Variants in SORBS2 observed in about 807,000 individuals in gnomAD.
SORBS2 encodes sorbin and SH3 domain containing 2.
SORBS2 carries 46 observed loss-of-function variants against 97.7 expected under a neutral mutation model. The observed-to-expected ratio is 0.47, with a 90% CI of 0.37 to 0.60. The LOEUF (loss-of-function observed/expected upper bound fraction) is 0.60. Among genes scored for constraint, SORBS2 ranks in the 20% least tolerant of loss-of-function variants. The pLI is 0.00. For synonymous variants in SORBS2, 476 were observed against 473.4 expected, an observed-to-expected ratio of 1.01 and a Z score of -0.07; for missense variants, 1,316 against 1,282.3, an observed-to-expected ratio of 1.03 and a Z score of -0.40.
At chr4:185,936,336 T>C (rs1579575813) in intron 1 of SORBS2, among the ~76,000 whole-genome samples, 1 of 152,238 alleles carries the variant, frequency 6.6e-6, no homozygotes, top group Non-Finnish European at 1.5e-5. Context: ...TATTTATTGA[T>C]GGCCAACTGA....
intron 1 of SORBS2, among the ~76,000 whole-genome samples, chr4:185,809,973 T>C (rs969688442): frequency 9.2e-5 from 14 of 152,238 alleles, no homozygotes; most frequent in African/African-American, 3.4e-4. Flanking sequence ...TTGAAGGAAA[T>C]TAAATTGGAG....
intron 1 of SORBS2, among the ~76,000 whole-genome samples, chr4:185,905,231 G>A (rs1391846136): frequency 6.6e-6 from 1 of 152,062 alleles, no homozygotes; most frequent in Non-Finnish European, 1.5e-5. Context: ...GGAAACACAG[G>A]GTTCATCAAA....
At chr4:185,821,808 T>C (rs749345239) in intron 1 of SORBS2, among the ~76,000 whole-genome samples, 24 of 152,202 alleles carry the variant, frequency 1.6e-4, no homozygotes, top group Non-Finnish European at 2.8e-4. Context: ...ACCTGGGAAA[T>C]ACATTTTAAT....
intron 1 of SORBS2, among the ~76,000 whole-genome samples, chr4:185,782,144 G>T (rs914541482): frequency 6.6e-6 from 1 of 152,122 alleles, no homozygotes; most frequent in African/African-American, 2.4e-5. Flanking sequence ...TACATTTTTT[G>T]GTTCTATATT....
Position 185,623,916 on chromosome 4 carries a change from C to G in SORBS2, c.1213G>C (p.Val405Leu). 1 of 1,614,190 alleles carries G rather than the reference C, an allele frequency of 6.2e-7. No individual in the cohort carries two copies. The highest frequency in any genetic ancestry group is 8.5e-7 in the Non-Finnish European group (1 of 1,180,036). Reference sequence around the variant, plus strand: ...CGTGTGGGCACCATGTCCCGGGGCACCTCCTCCGTGGAGCACTGGCTCCAG... The same window carrying G: ...CGTGTGGGCACCATGTCCCGGGGCAGCTCCTCCGTGGAGCACTGGCTCCAG... The change falls in exon 7 of 15, where the codon GTG becomes CTG. Residue 405 changes from valine (V) to leucine (L), a missense_variant. Transcript: ENST00000418609. The surrounding 1 kb of genome is among the most constrained non-coding windows in gnomAD (Gnocchi z 6.4).
At chr4:185,630,593 G>A (rs921728811) in exon 5 of SORBS2, 2 of 1,596,732 alleles carry the variant, frequency 1.3e-6, no homozygotes, top group African/African-American at 2.7e-5. Flanking sequence ...ACTGATACAA[G>A]GAGGCCTGTT....
chr4:185,597,647 G>A lies in SORBS2; in HGVS notation c.2797-3712C>T, dbSNP rs147445780. ...CATCTTAATTTTGACGCTGAGGTAG[G>A]TGCAAATGTCCTATAAGGTGATGTA... On this transcript the variant is annotated intron_variant, in intron 12 of 14. Coordinates refer to ENST00000418609, the Ensembl canonical transcript of SORBS2. 2.6e-5 allele frequency among the ~76,000 whole-genome samples: 4 copies of A among 152,314 alleles called. No individual in the cohort carries two copies. In the East Asian group the frequency reaches 5.8e-4, roughly 22 times the overall value.
chr4:185,697,023 T>C (rs1034095364), intron 2 of SORBS2, among the ~76,000 whole-genome samples: 13 of 152,160 alleles, frequency 8.5e-5, no homozygotes, highest in Non-Finnish European at 7.3e-5. Context: ...ATAACACATG[T>C]ATAGGCAAAC....
intron 8 of SORBS2, among the ~76,000 whole-genome samples, chr4:185,619,706 T>C (rs2096685299): frequency 6.6e-6 from 1 of 152,216 alleles, no homozygotes; most frequent in Non-Finnish European, 1.5e-5. Context: ...TCAGGCTTTC[T>C]CCTGGACCAG....
chr4:185,805,490 G>A lies in SORBS2; in HGVS notation c.-337-30124C>T, dbSNP rs558705613. On this transcript the variant is annotated intron_variant, in intron 1 of 20. Transcript: ENST00000284776. ...TGTTTGCTGAGGGCCTCTCTGTTCCGGCTGCCATTCTAAAGCGAGTCAAGT... is the reference window on the plus strand; with the variant it reads ...TGTTTGCTGAGGGCCTCTCTGTTCCAGCTGCCATTCTAAAGCGAGTCAAGT... Among the ~76,000 whole-genome samples, 13 of 152,192 alleles carry A rather than the reference G, an allele frequency of 8.5e-5. No individual in the cohort carries two copies. The South Asian group carries it at 2.7e-3, about 32-fold the overall frequency.
intron 2 of SORBS2, among the ~76,000 whole-genome samples, chr4:185,704,156 A>G (rs1049199100): frequency 1.3e-5 from 2 of 152,124 alleles, no homozygotes; most frequent in Non-Finnish European, 1.5e-5. Flanking sequence ...AATTACCTCA[A>G]TTTCTAAATT....
chr4:185,721,085 T>A (rs1191119749), intron 2 of SORBS2, among the ~76,000 whole-genome samples: 1 of 10,900 alleles, frequency 9.2e-5, no homozygotes, highest in Non-Finnish European at 2.8e-4. Flanking sequence ...CCACCTATTC[T>A]TTTTTTTTTT....
At chr4:185,919,325 T>C (rs1274211270) in intron 1 of SORBS2, 1 of 152,198 alleles carries the variant, frequency 6.6e-6, no homozygotes, top group Non-Finnish European at 1.5e-5. Context: ...CTGCGGAAAG[T>C]ACATGACATT....
intron 3 of SORBS2, among the ~76,000 whole-genome samples, chr4:185,648,078 G>A (rs1261816247): frequency 6.6e-6 from 1 of 152,040 alleles, no homozygotes; most frequent in East Asian, 1.9e-4. Context: ...GTTTTGGTGG[G>A]ATGCTGTGCC....
intron 5 of SORBS2, among the ~76,000 whole-genome samples, chr4:185,628,796 C>T (rs1394644929): frequency 6.6e-6 from 1 of 152,208 alleles, no homozygotes; most frequent in African/African-American, 2.4e-5. Flanking sequence ...AGCAAATTAA[C>T]TATTAAAGAT....
chr4:185,801,141 T>C (rs931108321), intron 1 of SORBS2, among the ~76,000 whole-genome samples: 1 of 152,236 alleles, frequency 6.6e-6, no homozygotes, highest in Non-Finnish European at 1.5e-5. Flanking sequence ...GTATTTGTCT[T>C]TCTCTGTCTG....
At position 185,754,512 on chromosome 4, in the gene SORBS2, G is replaced by T. The variant is rs149553948; in HGVS notation, c.-198+20715C>A. Among the ~76,000 whole-genome samples the T allele has an allele frequency of 3.4e-3, 514 of 152,274 alleles. 1 individual carries two copies. Among genetic ancestry groups the T allele is most frequent in the African/African-American group, 0.012 (492 of 41,544 alleles). ...TAATAAAAACAGAAAGTTTACCCTT[G>T]ATAACACGTTTTATGTATAATCACT... On this transcript the variant is annotated intron_variant, in intron 2 of 20. Coordinates refer to the SORBS2 transcript ENST00000284776.
chr4:185,836,654 A>T (rs978400686), intron 1 of SORBS2, among the ~76,000 whole-genome samples: 3 of 152,146 alleles, frequency 2.0e-5, no homozygotes, highest in Admixed American at 1.3e-4. Context: ...CACAAATAGA[A>T]AGTGGCGGGG....
chr4:185,808,699 C>T (rs1386788842), intron 1 of SORBS2, among the ~76,000 whole-genome samples: 8 of 152,140 alleles, frequency 5.3e-5, no homozygotes, highest in Non-Finnish European at 1.0e-4. Flanking sequence ...AGAAATGCTG[C>T]CATTGTAGAC....
Sources: allele counts gnomAD v4.1 joint callset (sites outside exome capture counted in the v4.1 genomes callset), GRCh38; gene constraint gnomAD v4.1.1; non-coding constraint Gnocchi (gnomAD v3.1); transcripts MANE v1.5; gene names NCBI Gene and HGNC (gene_info 2026-07-23, HGNC 2026-07-21).